Variants in DOCK3 observed in about 807,000 individuals in gnomAD.
The protein encoded by DOCK3 is dedicator of cytokinesis 3.
A neutral mutation model predicts 265.6 loss-of-function variants in DOCK3; 60 were observed. The ratio of observed to expected loss-of-function variants is 0.23; its 90% CI spans 0.18 to 0.28. The LOEUF (loss-of-function observed/expected upper bound fraction) is 0.28, where lower values mean the gene tolerates loss of function less well. Among genes scored for constraint, DOCK3 ranks in the 10% least tolerant of loss-of-function variants. The probability of loss-of-function intolerance (pLI) is 1.00; values close to 1 mark genes in which losing one functional copy is unlikely to be tolerated. For missense variants in DOCK3, 1,981 were observed against 2,594.3 expected (o/e 0.76, Z 5.14); for synonymous variants, 881 against 938.0 (o/e 0.94, Z 1.11).
At chr3:51,316,436 G>T (rs1468418654) in intron 32 of DOCK3, among the ~76,000 whole-genome samples, 1 of 152,136 alleles carries the variant, frequency 6.6e-6, no homozygotes, top group Non-Finnish European at 1.5e-5. Context: ...TTTCTTTACA[G>T]GTTTTTGTAT....
At chr3:50,774,170 A>G (rs1055075721) in intron 1 of DOCK3, among the ~76,000 whole-genome samples, 32 of 151,988 alleles carry the variant, frequency 2.1e-4, no homozygotes, top group African/African-American at 7.0e-4. Flanking sequence ...TTTACAACTG[A>G]GAGGCTTGAT....
intron 5 of DOCK3, among the ~76,000 whole-genome samples, chr3:50,995,255 A>G (rs1210204547): frequency 6.6e-6 from 1 of 152,224 alleles, no homozygotes; most frequent in Non-Finnish European, 1.5e-5. Flanking sequence ...CTAAATTACA[A>G]CTGTCTGGCA....
At chr3:50,913,941 T>G (rs1197898736) in intron 4 of DOCK3, among the ~76,000 whole-genome samples, 1 of 152,064 alleles carries the variant, frequency 6.6e-6, no homozygotes, top group Admixed American at 6.6e-5. Context: ...ATAAAGGTGC[T>G]TTTTTGGAGT....
intron 5 of DOCK3, among the ~76,000 whole-genome samples, chr3:50,996,249 G>A (rs1163671056): frequency 6.0e-5 from 9 of 148,922 alleles, no homozygotes; most frequent in Non-Finnish European, 1.3e-4. Context: ...ACAGAGTCTC[G>A]CTCTGTCGCC....
chr3:51,253,134 G>T (rs2079351943), intron 22 of DOCK3, among the ~76,000 whole-genome samples: 1 of 152,164 alleles, frequency 6.6e-6, no homozygotes. Context: ...GTGGTTTTTT[G>T]TCTTTGGTTC....
Position 51,197,810 on chromosome 3 carries a change from C to T in DOCK3, c.1038-10964C>T, listed in dbSNP as rs776033672. On this transcript the variant is annotated intron_variant, in intron 12 of 52. Transcript: ENST00000266037. ...TCTTGGTGACCAGAGCCTGGGCCAG[C>T]GGGTGGGAATGCACATTCCTCACAC... 1.3e-4 allele frequency among the ~76,000 whole-genome samples: 20 copies of T among 152,134 alleles called. No homozygotes were observed. The East Asian group carries it at 2.3e-3, about 18-fold the overall frequency.
At chr3:50,889,408 C>A (rs2048530089) in intron 3 of DOCK3, among the ~76,000 whole-genome samples, 1 of 151,214 alleles carries the variant, frequency 6.6e-6, no homozygotes, top group South Asian at 2.1e-4. Flanking sequence ...ATTTAAAGAG[C>A]ATTTTATACA....
chr3:51,168,730 A>C (rs1349904033), intron 12 of DOCK3, among the ~76,000 whole-genome samples: 1 of 152,236 alleles, frequency 6.6e-6, no homozygotes, highest in Non-Finnish European at 1.5e-5. Flanking sequence ...ACAAATGCGA[A>C]AATTGACAAA....
chr3:51,163,922 A>G (rs1576291296), intron 12 of DOCK3, among the ~76,000 whole-genome samples: 1 of 152,238 alleles, frequency 6.6e-6, no homozygotes, highest in Admixed American at 6.5e-5. Flanking sequence ...TAAATTATTC[A>G]TATGCAGCCA....
chr3:51,358,197 G>A, intron 46 of DOCK3, 120 bp downstream of exon 46: 2 of 938,078 alleles, frequency 2.1e-6, no homozygotes, highest in Admixed American at 2.3e-5. Context: ...CGGGGTTGGG[G>A]AGAGAGGCTG....
At chr3:51,308,263 C>G (rs1441673627) in intron 27 of DOCK3, among the ~76,000 whole-genome samples, 2 of 147,762 alleles carry the variant, frequency 1.4e-5, no homozygotes, top group African/African-American at 5.0e-5. Flanking sequence ...GTGTTTCTCG[C>G]AGAGGGGGAT....
intron 9 of DOCK3, among the ~76,000 whole-genome samples, chr3:51,109,174 C>T (rs1450066539): frequency 6.6e-6 from 1 of 152,208 alleles, no homozygotes; most frequent in Admixed American, 6.5e-5. Flanking sequence ...ACATCAACCA[C>T]TTTCTCAAAC....
chr3:51,247,243 G>T (rs750011606), intron 22 of DOCK3, among the ~76,000 whole-genome samples: 5 of 152,230 alleles, frequency 3.3e-5, no homozygotes, highest in Admixed American at 6.5e-5. Context: ...TGCACTGTAT[G>T]TGGGTTTGTT....
At position 51,333,168 on chromosome 3, in the gene DOCK3, A is replaced by G; in HGVS notation, c.3526A>G (p.Lys1176Glu). The change falls in exon 35 of 53, where the codon AAG becomes GAG. Residue 1176 changes from lysine to glutamate, a missense_variant. Lys to Glu is a moderately conservative substitution (Grantham distance 56). Around this residue, in one of 4 missense-constraint regions of DOCK3, gnomAD observed 1,357 missense variants for 1,866.8 expected, o/e 0.73. Transcript: ENST00000266037. ...CCCCTCCACCAATAGCCTGCTGGAG[A>G]AGGTTGAACAAGAAACATGGCGCGA... ...LFGPYPSLLE[K>E]VEQETWRETG... is the part of the protein sequence containing the mutation. The G allele has an allele frequency of 6.2e-7, 1 of 1,613,928 alleles. No homozygotes were observed. The highest frequency in any genetic ancestry group is 1.1e-5 in the South Asian group (1 of 91,076).
intron 9 of DOCK3, among the ~76,000 whole-genome samples, chr3:51,120,976 G>C (rs567799020): frequency 6.6e-6 from 1 of 152,106 alleles, no homozygotes; most frequent in Non-Finnish European, 1.5e-5. Context: ...GGAGTGAATG[G>C]TTCTGTCTCA....
intron 3 of DOCK3, among the ~76,000 whole-genome samples, chr3:50,876,352 G>A (rs1235659453): frequency 6.6e-6 from 1 of 151,662 alleles, no homozygotes; most frequent in Non-Finnish European, 1.5e-5. Flanking sequence ...AATACAAAAT[G>A]ATTATTAAAG....
At chr3:50,989,439 G>A (rs1452657140) in intron 5 of DOCK3, among the ~76,000 whole-genome samples, 1 of 152,142 alleles carries the variant, frequency 6.6e-6, no homozygotes, top group East Asian at 1.9e-4. Flanking sequence ...GGCTGCAACT[G>A]TGAGGAAACA....
At chr3:51,349,004 T>C in intron 39 of DOCK3, 66 bp downstream of exon 39, 2 of 1,335,696 alleles carry the variant, frequency 1.5e-6, no homozygotes, top group South Asian at 1.3e-5. Flanking sequence ...GCGTTCTCTA[T>C]GGGCCCAGCC....
At chr3:50,944,953 T>C (rs551010118) in intron 5 of DOCK3, among the ~76,000 whole-genome samples, 1 of 152,150 alleles carries the variant, frequency 6.6e-6, no homozygotes, top group African/African-American at 2.4e-5. Flanking sequence ...AGAATGAAAC[T>C]CCATCTCAAA....
Sources: allele counts gnomAD v4.1 joint callset (sites outside exome capture counted in the v4.1 genomes callset), GRCh38; gene constraint gnomAD v4.1.1; regional missense constraint gnomAD v4.1.1; transcripts MANE v1.5; gene names NCBI Gene and HGNC (gene_info 2026-07-23, HGNC 2026-07-21).